YIF1B: variants seen among roughly 807,000 people sequenced by gnomAD.
YIF1B encodes protein YIF1B.
Under a neutral mutation model 34.6 loss-of-function variants are expected in YIF1B, and 24 were observed. That is an observed-to-expected ratio of 0.69 (90% CI 0.50 to 0.98). YIF1B has a LOEUF of 0.98. Among genes scored for constraint, YIF1B ranks in the 50% least tolerant of loss-of-function variants. YIF1B has a pLI of 0.00. For synonymous variants in YIF1B, 186 were observed against 184.8 expected (o/e 1.01, Z -0.05); for missense variants, 368 against 429.4 (o/e 0.86, Z 1.26).
At chr19:38,320,255 C>G, upstream of YIF1B, 1 of 1,606,460 alleles carries the variant, frequency 6.2e-7, no homozygotes, top group East Asian at 2.2e-5. Flanking sequence ...TTCGCCAGCA[C>G]GCTGATCACC....
At chr19:38,315,830 C>G (rs760666643) in intron 1 of YIF1B, 30 bp downstream of exon 1, 1 of 1,510,460 alleles carries the variant, frequency 6.6e-7, no homozygotes, top group Admixed American at 2.2e-5. Flanking sequence ...CACGCCCCCG[C>G]CCGCCCGATC....
chr19:38,305,412 C>G lies in YIF1B; in HGVS notation c.885G>C (p.Met295Ile). 1 of 1,610,668 alleles carries G rather than the reference C, an allele frequency of 6.2e-7. No individual in the cohort carries two copies. Among genetic ancestry groups the G allele is most frequent in the Non-Finnish European group, 8.5e-7 (1 of 1,178,334 alleles). The change falls in exon 8 of 8, where the codon ATG becomes ATC. Residue 295 changes from methionine (M) to isoleucine (I), a missense_variant. Transcript: ENST00000339413. ...GCATAGGCTGCGCCGCCGCCACCGC[C>G]ATGGTCAGGTACATGCGCAGCTGGT... ...ARNQLRMYLT[M>I]AVAAAQPMLM...
chr19:38,315,880 GT>G lies in YIF1B; in HGVS notation c.37del (p.Thr13ArgfsTer47), dbSNP rs1370098494. 6.7e-7 allele frequency: 1 copy of G among 1,488,898 alleles called. No homozygotes were observed. The highest frequency in any genetic ancestry group is 8.9e-7 in the Non-Finnish European group (1 of 1,128,456). 92.2% of individuals were successfully genotyped at this position (1,488,898 alleles called of 1,614,324 possible). ...CGTACGCCACTTACGCAGCCGGGGC[GT>G]CCCCGCAGCCGCCGCCGCCAAGCCT... Reference protein sequence around the residue: ...PAGLAAAAAGTPRLRKWPSKR... With the variant: ...PAGLAAAAAGXPRLRKWPSKR... On this transcript the variant is annotated frameshift_variant, in exon 1 of 8. Coordinates refer to ENST00000339413, the MANE Select transcript of YIF1B (RefSeq NM_001039672.3). LOFTEE classifies it high-confidence loss of function.
intron 1 of YIF1B, among the ~76,000 whole-genome samples, chr19:38,311,210 CTGGGAGACAAAGG>C (rs1969313504): frequency 6.6e-6 from 1 of 151,656 alleles, no homozygotes; most frequent in Admixed American, 6.6e-5. Context: ...TCGCTTCAGC[CTGGGAGACAAAGG>C]TTGCAGTGAG....
intron 4 of YIF1B, 53 bp from the exon 5 acceptor site, chr19:38,308,902 G>T: frequency 6.2e-7 from 1 of 1,613,384 alleles, no homozygotes; most frequent in Non-Finnish European, 8.5e-7. Flanking sequence ...ACTGCCCTGG[G>T]CCTCCAGGCA....
chr19:38,319,759 G>T, upstream of YIF1B: 1 of 568,890 alleles, frequency 1.8e-6, no homozygotes. Flanking sequence ...TGGCGGTTGG[G>T]CGTGCCTCAG....
chr19:38,315,984 C>T, upstream of YIF1B: 1 of 1,368,322 alleles, frequency 7.3e-7, no homozygotes, highest in South Asian at 1.7e-5. Flanking sequence ...CCACGCCCCG[C>T]CGGCGAAGAG....
intron 7 of YIF1B, 167 bp downstream of exon 7, chr19:38,307,261 C>G (rs1969092682): frequency 1.5e-6 from 1 of 683,106 alleles, no homozygotes; most frequent in Non-Finnish European, 2.5e-6. Flanking sequence ...GATACCCCCT[C>G]TTCCAGGAAG....
chr19:38,314,448 C>T (rs2145023063), intron 1 of YIF1B, among the ~76,000 whole-genome samples: 1 of 151,714 alleles, frequency 6.6e-6, no homozygotes, highest in East Asian at 1.9e-4. Flanking sequence ...CCACCTCGGC[C>T]TCCCAAAATC....
At position 38,305,186 on chromosome 19, in the gene YIF1B, ATC is replaced by A; in HGVS notation, c.*164_*165del. On this transcript the variant is annotated 3_prime_UTR_variant, in exon 8 of 8. Transcript: ENST00000339413. ...GGGGCGGTGGCCTGTGCAGCTGGAG[ATC>A]TCTCAGCACCTTGGGTTGGGGGCGG... 2 of 1,376,312 alleles carry A rather than the reference ATC, an allele frequency of 1.5e-6. No individual in the cohort carries two copies. Among genetic ancestry groups the A allele is most frequent in the East Asian group, 5.0e-5 (2 of 39,674 alleles). The allele number at this position is 1,376,312 out of a possible 1,614,324, so 85.3% of individuals were successfully genotyped here. A position where few individuals can be genotyped will look rare whatever the true frequency, so the allele number is the denominator to read the frequency against.
rs373145066 is a variant in YIF1B at position 38,304,462 on chromosome 19, C to G, written c.*890G>C. 1.7e-4 allele frequency: 262 copies of G among 1,555,858 alleles called. 1 individual carries two copies. The highest frequency in any genetic ancestry group is 2.2e-4 in the Non-Finnish European group (250 of 1,150,344). ...AGTCCCCACAAAGTTCAGGGCCGGTCGGAGGCAGGGGCAGGTCCGGGTCCA... is the reference window on the plus strand; with the variant it reads ...AGTCCCCACAAAGTTCAGGGCCGGTGGGAGGCAGGGGCAGGTCCGGGTCCA... On this transcript the variant is annotated 3_prime_UTR_variant, in exon 8 of 8. Coordinates refer to ENST00000339413, the MANE Select transcript of YIF1B (RefSeq NM_001039672.3).
At chr19:38,317,472 G>T (rs1370037224), upstream of YIF1B, among the ~76,000 whole-genome samples, 3 of 152,064 alleles carry the variant, frequency 2.0e-5, no homozygotes, top group East Asian at 5.8e-4. Flanking sequence ...CTCTGATTTA[G>T]CCTCTGTCCC....
chr19:38,313,667 A>C (rs560553037), intron 1 of YIF1B, among the ~76,000 whole-genome samples: 11 of 151,992 alleles, frequency 7.2e-5, no homozygotes, highest in South Asian at 4.1e-4. Context: ...TGCATGACCC[A>C]CTCCTGCCAA....
Position 38,305,455 on chromosome 19 carries a change from G to C in YIF1B, c.842C>G (p.Pro281Arg). The change falls in exon 8 of 8, where the codon CCG (proline) becomes CGG (arginine). Residue 281 changes from proline to arginine, a missense_variant. Around this residue, in one of 3 missense-constraint regions of YIF1B, gnomAD observed 208 missense variants for 247.8 expected, o/e 0.84. Transcript: ENST00000339413. The stretch of plus-strand genomic sequence containing the variant: ...CAGCTGGTTCCGGGCCCCACGCACC[G>C]GGACCCCCTCAGCTGCTGCGTCTGC... Reference protein sequence around the residue: ...ILADAAAEGVPVRGARNQLRM... With the variant: ...ILADAAAEGVRVRGARNQLRM... 1 of 1,609,590 alleles carries C rather than the reference G, an allele frequency of 6.2e-7. No homozygotes were observed. Among genetic ancestry groups the C allele is most frequent in the Non-Finnish European group, 8.5e-7 (1 of 1,177,752 alleles).
At chr19:38,305,997 A>T (rs1969007958) in intron 7 of YIF1B, among the ~76,000 whole-genome samples, 1 of 152,018 alleles carries the variant, frequency 6.6e-6, no homozygotes, top group South Asian at 2.1e-4. Context: ...AGGTCAGGAG[A>T]TTGAGACCAT....
chr19:38,305,295 G>A lies in YIF1B; in HGVS notation c.*57C>T, dbSNP rs112324021. 7.7e-6 allele frequency: 12 copies of A among 1,567,812 alleles called. No homozygotes were observed. Among genetic ancestry groups the A allele is most frequent in the Non-Finnish European group, 1.0e-5 (12 of 1,156,022 alleles). ...GGGCCTGCAGGCAGGAGATGAGTTC[G>A]GCGGCCACAGTGGCCCCCAGCAGCA... On this transcript the variant is annotated 3_prime_UTR_variant, in exon 8 of 8. Transcript: ENST00000339413.
rs758991899 is a variant in YIF1B at position 38,304,457 on chromosome 19, C to G, written c.*895G>C. The G allele has an allele frequency of 1.4e-5, 22 of 1,556,232 alleles. No individual in the cohort carries two copies. Among genetic ancestry groups the G allele is most frequent in the Non-Finnish European group, 1.7e-5 (20 of 1,150,608 alleles). On this transcript the variant is annotated 3_prime_UTR_variant, in exon 8 of 8. Coordinates refer to ENST00000339413, the MANE Select transcript of YIF1B (RefSeq NM_001039672.3). Reference sequence around the variant, plus strand: ...AGCTCAGTCCCCACAAAGTTCAGGGCCGGTCGGAGGCAGGGGCAGGTCCGG... The same window carrying G: ...AGCTCAGTCCCCACAAAGTTCAGGGGCGGTCGGAGGCAGGGGCAGGTCCGG...
chr19:38,311,301 A>G (rs1969318838), intron 1 of YIF1B, among the ~76,000 whole-genome samples: 1 of 152,008 alleles, frequency 6.6e-6, no homozygotes, highest in Admixed American at 6.6e-5. Context: ...AAAAAAAACA[A>G]AAAACAAAAA....
upstream of YIF1B, chr19:38,317,356 C>T (rs1969582990): frequency 6.6e-6 from 1 of 152,246 alleles, no homozygotes; most frequent in African/African-American, 2.4e-5. Flanking sequence ...TCCTCTGAGA[C>T]GTTGTCTTTT....
Sources: gnomAD v4.1 joint callset for allele counts (sites outside exome capture counted in the v4.1 genomes callset) on GRCh38, gnomAD v4.1.1 for gene constraint, gnomAD v4.1.1 regional missense constraint, MANE v1.5 for transcripts, NCBI Gene and HGNC (gene_info 2026-07-23, HGNC 2026-07-21) for gene names.